The following SFI1 variants were observed in gnomAD, a reference collection of about 807,000 sequenced individuals.
SFI1 encodes the protein protein SFI1 homolog.
A neutral mutation model predicts 207.5 loss-of-function variants in SFI1; 195 were observed. That is an observed-to-expected ratio of 0.94 (90% CI 0.84 to 1.06). The LOEUF is 1.06. Ranked by LOEUF, SFI1 falls within the 50% of genes least tolerant of loss-of-function variation. The probability of loss-of-function intolerance (pLI) is 0.00; values close to 1 mark genes in which losing one functional copy is unlikely to be tolerated. For synonymous variants in SFI1, 630 were observed against 598.9 expected (o/e 1.05, Z -0.76); for missense variants, 1,634 against 1,588.0 (o/e 1.03, Z -0.49).
Position 31,584,320 on chromosome 22 carries a change from A to G in SFI1, c.1346+348A>G, listed in dbSNP as rs2064739993. 5.9e-5 allele frequency among the ~76,000 whole-genome samples: 9 copies of G among 152,190 alleles called. No individual in the cohort carries two copies. The South Asian group carries it at 1.9e-3, about 32-fold the overall frequency. On this transcript the variant is annotated intron_variant, in intron 13 of 32. Coordinates refer to ENST00000400288, the MANE Select transcript of SFI1 (RefSeq NM_001007467.3). ...AGGGACATTTGTGACTCAGTCTTAA[A>G]GTGTGCAGGGAATGTCCTCAATATT...
intron 8 of SFI1, among the ~76,000 whole-genome samples, chr22:31,565,709 T>C (rs1231315194): frequency 6.6e-6 from 1 of 151,960 alleles, no homozygotes; most frequent in Non-Finnish European, 1.5e-5. Context: ...CAAAAATAAA[T>C]AAATAAATAA....
intron 15 of SFI1, among the ~76,000 whole-genome samples, chr22:31,600,238 G>C (rs188038868): frequency 9.6e-4 from 146 of 152,188 alleles, no homozygotes; most frequent in Non-Finnish European, 2.0e-3. Context: ...TTTATAAATT[G>C]AGAAGAAAAA....
chr22:31,594,777 C>T (rs1419748926), intron 15 of SFI1, among the ~76,000 whole-genome samples: 1 of 146,714 alleles, frequency 6.8e-6, no homozygotes, highest in African/African-American at 2.5e-5. Context: ...ATGGCATGAA[C>T]CTGGGAGGCG....
At chr22:31,542,139 GC>G (rs1259742797) in intron 4 of SFI1, among the ~76,000 whole-genome samples, 4 of 149,816 alleles carry the variant, frequency 2.7e-5, no homozygotes, top group African/African-American at 7.4e-5. Context: ...CAGTTTAGGA[GC>G]CAGTCTCCTA....
intron 8 of SFI1, among the ~76,000 whole-genome samples, chr22:31,569,374 G>C (rs937681613): frequency 2.6e-5 from 4 of 152,142 alleles, no homozygotes; most frequent in African/African-American, 9.7e-5. Context: ...TTCATGAACT[G>C]TTCTTGCCTA....
At chr22:31,605,266 T>G in intron 20 of SFI1, 1 of 208,420 alleles carries the variant, frequency 4.8e-6, no homozygotes, top group Non-Finnish European at 9.6e-6. Context: ...TGTCATCTCT[T>G]CCACTCCAGA....
At chr22:31,519,679 C>G (rs188066521) in intron 2 of SFI1, among the ~76,000 whole-genome samples, 17 of 151,992 alleles carry the variant, frequency 1.1e-4, no homozygotes, top group African/African-American at 3.9e-4. Flanking sequence ...TTCAGGTGAT[C>G]CACCCGCCTT....
In SFI1 at chr22:31,607,820, A is replaced by C. The variant is rs1024780446; in HGVS notation, c.2158-117A>C. 7.7e-6 allele frequency: 6 copies of C among 783,968 alleles called. No homozygotes were observed. In the East Asian group the frequency reaches 1.6e-4, roughly 21 times the overall value. 48.6% of individuals were successfully genotyped at this position (783,968 alleles called of 1,614,324 possible). Reference sequence around the variant, plus strand: ...GCAGTTACTTCCTGGACCGTGTGTGAGAAGCAAATGGCAACAGCTTGGCCT... The same window carrying C: ...GCAGTTACTTCCTGGACCGTGTGTGCGAAGCAAATGGCAACAGCTTGGCCT... On this transcript the variant is annotated intron_variant, in intron 21 of 32. Coordinates refer to ENST00000400288, the MANE Select transcript of SFI1 (RefSeq NM_001007467.3).
Position 31,580,302 on chromosome 22 carries a change from G to C in SFI1, c.1186G>C (p.Val396Leu), listed in dbSNP as rs760726918. The C allele has an allele frequency of 4.3e-6, 7 of 1,613,954 alleles. No individual in the cohort carries two copies. The Middle Eastern group carries it at 9.9e-4, about 228-fold the overall frequency. Residue 396 changes from valine (V) to leucine (L), a missense_variant, in exon 12 of 33, where the codon GTG (valine) becomes CTG (leucine). By Grantham distance (32) the Val-to-Leu change is conservative (BLOSUM62 1). Coordinates refer to ENST00000400288, the MANE Select transcript of SFI1 (RefSeq NM_001007467.3). ...YFCFRALKDN[V>L]THAHLQQIRR... ...TTGCTTTAGAGCCCTAAAAGACAAT[G>C]TGACCCACGCTCATCTCCAGCAAAT...
At chr22:31,550,208 G>A (rs1394843364) in intron 5 of SFI1, 46 bp from the exon 6 acceptor site, 1 of 1,532,136 alleles carries the variant, frequency 6.5e-7, no homozygotes, top group Non-Finnish European at 9.0e-7. Flanking sequence ...ACCGCGCCCG[G>A]CCTGTTATTT....
chr22:31,571,574 C>CA (rs556543802), intron 8 of SFI1, among the ~76,000 whole-genome samples: 1 of 152,000 alleles, frequency 6.6e-6, no homozygotes, highest in Non-Finnish European at 1.5e-5. Flanking sequence ...CTTGGGCTCC[C>CA]AAAGTGCTGA....
At chr22:31,568,531 CAAAAAAAAAAAAAA>C (rs60447566) in intron 8 of SFI1, among the ~76,000 whole-genome samples, 2 of 37,432 alleles carry the variant, frequency 5.3e-5, no homozygotes, top group African/African-American at 1.0e-4. Flanking sequence ...GACCCTGTCT[CAAAAAAAAAAAAAA>C]AAAAAAAAAA....
Position 31,510,488 on chromosome 22 carries a change from C to T in SFI1, c.92+2112C>T, listed in dbSNP as rs151199541. On this transcript the variant is annotated intron_variant, in intron 2 of 32. Coordinates refer to ENST00000400288, the MANE Select transcript of SFI1 (RefSeq NM_001007467.3). ...CACTCTTGTCACCCAGACTGGAGTA[C>T]GGTGGTGTGATCTCAGCTCACTGCA... is the stretch of plus-strand genomic sequence containing the variant. Among the ~76,000 whole-genome samples the T allele has an allele frequency of 5.4e-3, 828 of 152,124 alleles. 6 individuals are homozygous for T. The highest frequency in any genetic ancestry group is 0.018 in the African/African-American group (767 of 41,484).
chr22:31,602,759 G>A lies in SFI1; in HGVS notation c.1779G>A (p.Arg593=). Residue 593 remains arginine, a synonymous_variant, in exon 17 of 33, where the codon AGG becomes AGA. Transcript: ENST00000400288. The part of the protein sequence containing the change: ...GRLKKAFCLW[R]ESAQGLRTER... The stretch of plus-strand genomic sequence containing the variant: ...TCAAGAAAGCTTTCTGCCTCTGGAG[G>A]GAAAGTGCCCAAGGGCTCAGAACAG... The A allele has an allele frequency of 1.9e-6, 3 of 1,613,938 alleles. No individual in the cohort carries two copies. Among genetic ancestry groups the A allele is most frequent in the Non-Finnish European group, 2.5e-6 (3 of 1,180,032 alleles).
At chr22:31,612,424 T>C in intron 24 of SFI1, 1 of 115,268 alleles carries the variant, frequency 8.7e-6, no homozygotes, top group East Asian at 2.9e-4. Context: ...TATATATATA[T>C]ATAATCAGTG....
At chr22:31,545,150 T>A (rs1159748451) in intron 4 of SFI1, among the ~76,000 whole-genome samples, 1 of 151,874 alleles carries the variant, frequency 6.6e-6, no homozygotes, top group Non-Finnish European at 1.5e-5. Context: ...GCAGATCACC[T>A]GAGGTCAGGA....
chr22:31,569,279 C>G (rs556205757), intron 8 of SFI1, among the ~76,000 whole-genome samples: 3 of 152,120 alleles, frequency 2.0e-5, no homozygotes, highest in Admixed American at 2.0e-4. Context: ...TCTGAATCCA[C>G]CAAACAATCT....
intron 8 of SFI1, among the ~76,000 whole-genome samples, chr22:31,564,309 A>C (rs1481189214): frequency 6.7e-6 from 1 of 149,512 alleles, no homozygotes; most frequent in Non-Finnish European, 1.5e-5. Context: ...CCTGGGCGAC[A>C]GAGCAAGACT....
At chr22:31,585,520 C>T (rs2064915390) in intron 14 of SFI1, among the ~76,000 whole-genome samples, 2 of 152,134 alleles carry the variant, frequency 1.3e-5, no homozygotes, top group Non-Finnish European at 2.9e-5. Context: ...ACACATGTCT[C>T]CCGGGGGTGG....
Sources: gnomAD v4.1 joint callset for allele counts (sites outside exome capture counted in the v4.1 genomes callset) on GRCh38, gnomAD v4.1.1 for gene constraint, MANE v1.5 for transcripts, NCBI Gene and HGNC (gene_info 2026-07-23, HGNC 2026-07-21) for gene names.